Variants in NBAS observed in about 807,000 individuals in gnomAD.
NBAS encodes NAG/BC035112 fusion.
NBAS carries 219 observed loss-of-function variants against 302.5 expected under a neutral mutation model. The ratio of observed to expected loss-of-function variants is 0.72; its 90% CI spans 0.65 to 0.81. The LOEUF is 0.81. NBAS is among the 30% of genes least tolerant of loss of function. NBAS has a pLI of 0.00. For missense variants in NBAS, 2,932 were observed against 2,841.6 expected (o/e 1.03, Z -0.72); for synonymous variants, 1,118 against 1,021.6 (o/e 1.09, Z -1.80).
chr2:15,259,340 G>T (rs1332118051), intron 44 of NBAS, among the ~76,000 whole-genome samples: 1 of 152,106 alleles, frequency 6.6e-6, no homozygotes, highest in Non-Finnish European at 1.5e-5. Context: ...GCATTAATAC[G>T]CTTGACCAAA....
intron 21 of NBAS, among the ~76,000 whole-genome samples, chr2:15,431,641 A>C (rs1677770969): frequency 6.6e-6 from 1 of 152,238 alleles, no homozygotes; most frequent in South Asian, 2.1e-4. Flanking sequence ...ATTGGAATAT[A>C]GCAATGGAAA....
At chr2:15,329,931 T>A (rs1672246766) in intron 36 of NBAS, among the ~76,000 whole-genome samples, 1 of 152,212 alleles carries the variant, frequency 6.6e-6, no homozygotes, top group Admixed American at 6.5e-5. Context: ...GTATTTTCTG[T>A]GTCTCCCTCA....
intron 35 of NBAS, among the ~76,000 whole-genome samples, chr2:15,349,528 G>A (rs1038758544): frequency 1.3e-4 from 20 of 152,182 alleles, no homozygotes; most frequent in Admixed American, 1.3e-3. Flanking sequence ...AACAACAAAA[G>A]AAGTCTACTG....
intron 7 of NBAS, among the ~76,000 whole-genome samples, chr2:15,537,768 CT>C (rs1272181421): frequency 6.6e-6 from 1 of 152,172 alleles, no homozygotes; most frequent in Non-Finnish European, 1.5e-5. Flanking sequence ...GCTTTCACGT[CT>C]TTTCTGAGAA....
At chr2:15,370,929 G>T (rs1396402414) in intron 31 of NBAS, among the ~76,000 whole-genome samples, 1 of 152,194 alleles carries the variant, frequency 6.6e-6, no homozygotes, top group Non-Finnish European at 1.5e-5. Flanking sequence ...TGCAGGGAAG[G>T]CACGATTGGT....
At chr2:14,958,040 C>T in the NBAS span, among the ~76,000 whole-genome samples, 1 of 152,220 alleles carries the variant, frequency 6.6e-6, no homozygotes, top group Non-Finnish European at 1.5e-5. Context: ...GGCCCTCTGA[C>T]AGATGTGTGC....
chr2:14,890,824 AAAAC>A, the NBAS span: 117 of 160,650 alleles, frequency 7.3e-4, no homozygotes, highest in Middle Eastern at 3.0e-3. Flanking sequence ...ACTCTGTCTC[AAAAC>A]AAACAAACAA....
chr2:15,163,660 T>C (rs993150587), downstream of NBAS, among the ~76,000 whole-genome samples: 1 of 152,190 alleles, frequency 6.6e-6, no homozygotes, highest in Non-Finnish European at 1.5e-5. Flanking sequence ...TAATAATCAT[T>C]GTCTACAGAG....
chr2:14,841,912 C>A, the NBAS span, among the ~76,000 whole-genome samples: 1 of 151,978 alleles, frequency 6.6e-6, no homozygotes, highest in African/African-American at 2.4e-5. Context: ...ACATATGGAA[C>A]ATTCTCCAGA....
At chr2:15,298,783 G>C (rs914246806) in intron 40 of NBAS, among the ~76,000 whole-genome samples, 1 of 152,106 alleles carries the variant, frequency 6.6e-6, no homozygotes, top group African/African-American at 2.4e-5. Flanking sequence ...AGTTTCGAAA[G>C]CATTTTCACG....
At chr2:14,893,480 A>G in the NBAS span, among the ~76,000 whole-genome samples, 2 of 151,866 alleles carry the variant, frequency 1.3e-5, no homozygotes, top group African/African-American at 4.8e-5. Flanking sequence ...ATATGTTTGC[A>G]GCTATAAATT....
chr2:15,352,172 TAAAAAGAA>T, intron 34 of NBAS, 91 bp from the exon 35 acceptor site: 1 of 883,698 alleles, frequency 1.1e-6, no homozygotes, highest in Middle Eastern at 2.4e-4. Flanking sequence ...AAAGTACTTT[TAAAAAGAA>T]AATTACCTTT....
At chr2:14,855,074 T>C in the NBAS span, among the ~76,000 whole-genome samples, 1 of 151,938 alleles carries the variant, frequency 6.6e-6, no homozygotes, top group African/African-American at 2.4e-5. Flanking sequence ...GTATCCAGGA[T>C]ACACCCCAGC....
intron 47 of NBAS, among the ~76,000 whole-genome samples, chr2:15,230,815 A>G (rs1040250219): frequency 2.0e-5 from 3 of 152,170 alleles, no homozygotes; most frequent in African/African-American, 7.2e-5. Context: ...GGCAGTAGTG[A>G]GATGGGCCCT....
chr2:15,458,619 T>C (rs2148554706), intron 21 of NBAS, among the ~76,000 whole-genome samples: 1 of 152,314 alleles, frequency 6.6e-6, no homozygotes, highest in South Asian at 2.1e-4. Context: ...ATGCCAGAGC[T>C]ATGCTTCTTG....
the NBAS span, among the ~76,000 whole-genome samples, chr2:15,152,882 G>A: frequency 7.2e-5 from 11 of 152,146 alleles, no homozygotes; most frequent in African/African-American, 2.4e-4. Flanking sequence ...ATGGAGCACC[G>A]CTCCCTTCAC....
chr2:15,194,210 A>G (rs1193162223), intron 48 of NBAS, among the ~76,000 whole-genome samples: 4 of 152,130 alleles, frequency 2.6e-5, no homozygotes, highest in Non-Finnish European at 4.4e-5. Flanking sequence ...CAAGAAGCTA[A>G]ATTATTCCCA....
At chr2:14,832,164 T>C in the NBAS span, among the ~76,000 whole-genome samples, 1 of 152,142 alleles carries the variant, frequency 6.6e-6, no homozygotes, top group Non-Finnish European at 1.5e-5. Context: ...CCCAGAGGGT[T>C]TGTATCACCT....
intron 51 of NBAS, among the ~76,000 whole-genome samples, chr2:15,169,274 C>T (rs1215907306): frequency 6.6e-6 from 1 of 152,100 alleles, no homozygotes; most frequent in East Asian, 1.9e-4. Context: ...CAGGAATTTA[C>T]CTTTGTTTTT....
Sources: allele counts gnomAD v4.1 joint callset (sites outside exome capture counted in the v4.1 genomes callset), GRCh38; gene constraint gnomAD v4.1.1; transcripts MANE v1.5; gene names NCBI Gene and HGNC (gene_info 2026-07-23, HGNC 2026-07-21).